The following AIG1 variants were observed in gnomAD, a reference collection of about 807,000 sequenced individuals.
AIG1 encodes the protein androgen-induced gene 1 protein.
AIG1 carries 23 observed loss-of-function variants against 31.4 expected under a neutral mutation model. The ratio of observed to expected loss-of-function variants is 0.73; its 90% CI spans 0.53 to 1.04. The LOEUF is 1.04. Ranked by LOEUF, AIG1 falls within the 50% of genes least tolerant of loss-of-function variation. The pLI, the probability that AIG1 is intolerant of heterozygous loss-of-function variation, is 0.00. For missense variants in AIG1, 274 were observed against 295.0 expected (o/e 0.93, Z 0.52); for synonymous variants, 100 against 110.5 (o/e 0.90, Z 0.60).
chr6:143,288,300 T>G lies in AIG1; in HGVS notation c.515+4075T>G, dbSNP rs973468984. Among the ~76,000 whole-genome samples, 1 of 134,522 alleles carries G rather than the reference T, an allele frequency of 7.4e-6. No individual in the cohort carries two copies. The highest frequency in any genetic ancestry group is 7.1e-5 in the Admixed American group (1 of 14,052). The allele number at this position is 134,522 out of a possible 152,430, so 88.3% of individuals were successfully genotyped here. On this transcript the variant is annotated intron_variant, in intron 4 of 5. Transcript: ENST00000357847. This position sits in a 1 kb window ranked among gnomAD's most constrained non-coding sequence, Gnocchi z 4.4. ...ATGGTCTCTCTCCTAAGGAGTCTTCTTCCAGCCCCTGGCTATTCTCCCTCC... is the reference window on the plus strand; with the variant it reads ...ATGGTCTCTCTCCTAAGGAGTCTTCGTCCAGCCCCTGGCTATTCTCCCTCC...
intron 1 of AIG1, among the ~76,000 whole-genome samples, chr6:143,076,801 A>G (rs899972397): frequency 6.6e-6 from 1 of 151,308 alleles, no homozygotes; most frequent in Non-Finnish European, 1.5e-5. Context: ...CCTCCCGAGT[A>G]GCTGAGACTG....
chr6:143,075,039 A>G (rs1244764634), intron 1 of AIG1, among the ~76,000 whole-genome samples: 1 of 152,192 alleles, frequency 6.6e-6, no homozygotes, highest in Non-Finnish European at 1.5e-5. Flanking sequence ...ATTAATGTCA[A>G]TTTTTAAAAC....
intron 3 of AIG1, among the ~76,000 whole-genome samples, chr6:143,233,692 T>C (rs1244531069): frequency 6.6e-6 from 1 of 152,168 alleles, no homozygotes; most frequent in Non-Finnish European, 1.5e-5. Flanking sequence ...CTTATTTGAA[T>C]GTGGTTTGAA....
chr6:143,167,741 A>G (rs1787098543), intron 3 of AIG1, among the ~76,000 whole-genome samples: 1 of 152,216 alleles, frequency 6.6e-6, no homozygotes, highest in Non-Finnish European at 1.5e-5. Context: ...TGACACAAAT[A>G]TTTAGGAAAG....
intron 3 of AIG1, among the ~76,000 whole-genome samples, chr6:143,186,176 C>T (rs964373200): frequency 1.3e-5 from 2 of 152,214 alleles, no homozygotes; most frequent in African/African-American, 4.8e-5. Context: ...CTGTACCTGT[C>T]TCCATGGAGC....
In AIG1 at chr6:143,284,194, A is replaced by T. The variant is rs771347382; in HGVS notation, c.484A>T (p.Ile162Leu). The change falls in exon 4 of 6, where the codon ATA becomes TTA. Residue 162 changes from isoleucine (I) to leucine (L), a missense_variant. Transcript: ENST00000357847. This position sits in a 1 kb window ranked among gnomAD's most constrained non-coding sequence, Gnocchi z 4.4. Reference protein sequence around the residue: ...YPSRSSGLTAICTFSVGYILW... With the variant: ...YPSRSSGLTALCTFSVGYILW... Reference sequence around the variant, plus strand: ...CAGCAGGAGCAGCGGACTTACCGCCATATGTACCTTCTCTGTTGGCTATAT... The same window carrying T: ...CAGCAGGAGCAGCGGACTTACCGCCTTATGTACCTTCTCTGTTGGCTATAT... The T allele has an allele frequency of 6.2e-7, 1 of 1,613,694 alleles. No individual in the cohort carries two copies. Among genetic ancestry groups the T allele is most frequent in the South Asian group, 1.1e-5 (1 of 91,036 alleles).
At chr6:143,201,688 C>T (rs1483529554) in intron 3 of AIG1, among the ~76,000 whole-genome samples, 1 of 152,194 alleles carries the variant, frequency 6.6e-6, no homozygotes, top group East Asian at 1.9e-4. Flanking sequence ...CTTTACTATG[C>T]CCAACCTTTA....
chr6:143,127,419 G>C (rs1782786838), intron 1 of AIG1, among the ~76,000 whole-genome samples: 1 of 151,962 alleles, frequency 6.6e-6, no homozygotes. Flanking sequence ...CAAATCTATG[G>C]TGTTCTTTAC....
intron 1 of AIG1, among the ~76,000 whole-genome samples, chr6:143,118,584 C>CT (rs1285092603): frequency 6.6e-6 from 1 of 152,070 alleles, no homozygotes; most frequent in Non-Finnish European, 1.5e-5. Flanking sequence ...TTAAAGATGC[C>CT]TTTCAGAAAA....
intron 1 of AIG1, among the ~76,000 whole-genome samples, chr6:143,087,449 C>G (rs144757368): frequency 2.0e-5 from 3 of 152,172 alleles, no homozygotes; most frequent in Non-Finnish European, 4.4e-5. Context: ...TAGCCGTGCC[C>G]GAACATTGGT....
At chr6:143,233,519 A>T (rs548461212) in intron 3 of AIG1, among the ~76,000 whole-genome samples, 1 of 151,920 alleles carries the variant, frequency 6.6e-6, no homozygotes, top group South Asian at 2.1e-4. Flanking sequence ...AGAGCCCCCA[A>T]ACCAGAGTAG....
intron 1 of AIG1, among the ~76,000 whole-genome samples, chr6:143,065,604 T>C (rs1252345621): frequency 6.6e-6 from 1 of 152,250 alleles, no homozygotes; most frequent in Non-Finnish European, 1.5e-5. Context: ...TTTTGAGGTC[T>C]TAAAGTAGTA....
intron 1 of AIG1, among the ~76,000 whole-genome samples, chr6:143,096,031 C>G (rs554395705): frequency 6.6e-6 from 1 of 151,584 alleles, no homozygotes; most frequent in African/African-American, 2.4e-5. Flanking sequence ...CTCAGCCTCC[C>G]GAGTAGCTGG....
chr6:143,328,007 A>G lies in AIG1; in HGVS notation c.516-5275A>G, dbSNP rs1776752003. Among the ~76,000 whole-genome samples, 1 of 152,240 alleles carries G rather than the reference A, an allele frequency of 6.6e-6. No individual in the cohort carries two copies. The highest frequency in any genetic ancestry group is 2.4e-5 in the African/African-American group (1 of 41,470). Reference sequence around the variant, plus strand: ...GTATAAGTAGTGAACATGATGCCATAGCCATGAATGAACTCATCAACTGAG... The same window carrying G: ...GTATAAGTAGTGAACATGATGCCATGGCCATGAATGAACTCATCAACTGAG... On this transcript the variant is annotated intron_variant, in intron 4 of 5. Transcript: ENST00000357847. The surrounding 1 kb of genome is among the most constrained non-coding windows in gnomAD (Gnocchi z 4.0).
intron 1 of AIG1, among the ~76,000 whole-genome samples, chr6:143,105,203 A>G (rs986520672): frequency 3.3e-5 from 5 of 152,234 alleles, no homozygotes; most frequent in Non-Finnish European, 5.9e-5. Flanking sequence ...CCATGCCACA[A>G]GAGCCAGATA....
At chr6:143,319,017 A>G (rs1025291240) in intron 4 of AIG1, among the ~76,000 whole-genome samples, 4 of 152,220 alleles carry the variant, frequency 2.6e-5, no homozygotes, top group Non-Finnish European at 4.4e-5. Context: ...ACATTTTTAC[A>G]CTGCTGATGG....
At chr6:143,255,192 C>T (rs924677616) in intron 3 of AIG1, among the ~76,000 whole-genome samples, 10 of 152,162 alleles carry the variant, frequency 6.6e-5, no homozygotes, top group African/African-American at 1.9e-4. Context: ...CTGCAGTTAG[C>T]AACAATAATT....
At chr6:143,097,981 C>T (rs1049751645) in intron 1 of AIG1, among the ~76,000 whole-genome samples, 3 of 152,186 alleles carry the variant, frequency 2.0e-5, no homozygotes, top group African/African-American at 7.2e-5. Context: ...TCTCTCCTCC[C>T]TCCTGTGTTA....
intron 1 of AIG1, among the ~76,000 whole-genome samples, chr6:143,103,216 G>A (rs1285904469): frequency 6.6e-6 from 1 of 152,196 alleles, no homozygotes; most frequent in Non-Finnish European, 1.5e-5. Flanking sequence ...TAATGGGGGT[G>A]TCAGGCCCAA....
Sources: allele counts gnomAD v4.1 joint callset (sites outside exome capture counted in the v4.1 genomes callset), GRCh38; gene constraint gnomAD v4.1.1; non-coding constraint Gnocchi (gnomAD v3.1); transcripts MANE v1.5; gene names NCBI Gene and HGNC (gene_info 2026-07-23, HGNC 2026-07-21).